The following CPS1 variants were observed in gnomAD, a reference collection of about 807,000 sequenced individuals.
CPS1 encodes carbamoyl-phosphate synthase 1.
In CPS1, 109 loss-of-function variants were observed where a neutral mutation model predicts 174.6. The observed-to-expected ratio is 0.62, with a 90% confidence interval of 0.53 to 0.73. CPS1 has a LOEUF of 0.73. Among genes scored for constraint, CPS1 ranks in the 30% least tolerant of loss-of-function variants. The pLI is 0.00. For missense variants in CPS1, 1,689 were observed against 1,821.9 expected, an observed-to-expected ratio of 0.93 and a Z score of 1.33; for synonymous variants, 637 against 632.0, an observed-to-expected ratio of 1.01 and a Z score of -0.12.
intron 5 of CPS1, among the ~76,000 whole-genome samples, chr2:210,582,406 A>G (rs1200606706): frequency 6.6e-6 from 1 of 152,154 alleles, no homozygotes; most frequent in Non-Finnish European, 1.5e-5. Context: ...CCCTAGAAGA[A>G]CTAATTGTAT....
At chr2:210,560,706 T>C (rs1697070007) in intron 1 of CPS1, among the ~76,000 whole-genome samples, 1 of 152,172 alleles carries the variant, frequency 6.6e-6, no homozygotes, top group Non-Finnish European at 1.5e-5. Flanking sequence ...TGTCATTTGA[T>C]TAGAAATTGG....
intron 6 of CPS1, 119 bp from the exon 7 acceptor site, chr2:210,587,939 T>C: frequency 2.3e-6 from 2 of 877,144 alleles, no homozygotes; most frequent in Non-Finnish European, 3.9e-6. Flanking sequence ...CACTCCCTAG[T>C]AGTTAACAAT....
rs942985287 is a variant in CPS1, at chr2:210,595,724, A to G, written c.1359+142A>G. ...TTAACTGTGCCTTTATAAATCTTGT[A>G]TTAAAGAAGCTTGATCACGAGCAAG... is the stretch of plus-strand genomic sequence containing the variant. On this transcript the variant is annotated intron_variant, in intron 13 of 37. Transcript: ENST00000233072. The G allele has an allele frequency of 1.0e-5, 7 of 676,900 alleles. No homozygotes were observed. The African/African-American group carries it at 1.3e-4, about 12-fold the overall frequency. 41.9% of individuals were successfully genotyped at this position (676,900 alleles called of 1,614,324 possible).
Position 210,600,695 on chromosome 2 carries a change from A to C in CPS1, c.1690A>C (p.Ser564Arg). The change falls in exon 15 of 38, where the codon AGT (serine) becomes CGT (arginine). Residue 564 changes from serine (S) to arginine (R), a missense_variant. Coordinates refer to ENST00000233072, the MANE Select transcript of CPS1 (RefSeq NM_001875.5). Reference protein sequence around the residue: ...LNEINEKIAPSFAVESIEDAL... With the variant: ...LNEINEKIAPRFAVESIEDAL... ...TGAGATCAATGAAAAGATTGCTCCA[A>C]GTTTTGCAGTGGAATCGGTAAGGAT... The C allele has an allele frequency of 6.2e-7, 1 of 1,612,012 alleles. No homozygotes were observed. Among genetic ancestry groups the C allele is most frequent in the Non-Finnish European group, 8.5e-7 (1 of 1,178,640 alleles).
intron 1 of CPS1, chr2:210,519,427 G>A (rs1695762746): frequency 6.6e-6 from 1 of 151,996 alleles, no homozygotes; most frequent in African/African-American, 2.4e-5. Context: ...TGCATCTGAA[G>A]TTTGAAATAC....
intron 20 of CPS1, among the ~76,000 whole-genome samples, chr2:210,613,815 CA>C (rs954945882): frequency 4.7e-4 from 72 of 151,870 alleles, no homozygotes; most frequent in African/African-American, 1.7e-3. Flanking sequence ...TATGTATGAG[CA>C]AGAAGTGCAG....
intron 26 of CPS1, 128 bp downstream of exon 26, chr2:210,648,185 T>G: frequency 3.2e-6 from 3 of 925,656 alleles, no homozygotes; most frequent in Non-Finnish European, 5.0e-6. Flanking sequence ...CTTAGTGAAT[T>G]TAAAGTTGTT....
At chr2:210,603,659 A>T (rs1184672732) in intron 16 of CPS1, among the ~76,000 whole-genome samples, 1 of 151,910 alleles carries the variant, frequency 6.6e-6, no homozygotes, top group Non-Finnish European at 1.5e-5. Context: ...TGAACTTTTC[A>T]TGTAAGAAAG....
At chr2:210,536,605 C>T (rs940176050) in intron 1 of CPS1, among the ~76,000 whole-genome samples, 3 of 152,098 alleles carry the variant, frequency 2.0e-5, no homozygotes, top group African/African-American at 7.2e-5. Flanking sequence ...GGATTACAGG[C>T]GTGAGCCACT....
intron 1 of CPS1, among the ~76,000 whole-genome samples, chr2:210,570,285 C>T (rs76236471): frequency 5.7e-4 from 87 of 152,006 alleles, no homozygotes; most frequent in African/African-American, 2.0e-3. Flanking sequence ...ACATATTGAA[C>T]ACAATCTCAG....
At chr2:210,651,282 C>T (rs1376293828) in intron 28 of CPS1, among the ~76,000 whole-genome samples, 4 of 152,160 alleles carry the variant, frequency 2.6e-5, no homozygotes, top group East Asian at 3.9e-4. Flanking sequence ...GCACACATGA[C>T]GCTGGATCGC....
At chr2:210,633,747 C>T (rs1184858868) in intron 21 of CPS1, among the ~76,000 whole-genome samples, 1 of 152,090 alleles carries the variant, frequency 6.6e-6, no homozygotes, top group Non-Finnish European at 1.5e-5. Context: ...TAATTAAAGA[C>T]CCTCTAAAAA....
chr2:210,571,261 T>A (rs573647947), intron 1 of CPS1, among the ~76,000 whole-genome samples: 1 of 151,976 alleles, frequency 6.6e-6, no homozygotes, highest in Admixed American at 6.6e-5. Context: ...AAACACTGGG[T>A]CGAAGGAAAT....
chr2:210,554,080 T>C (rs1696801894), upstream of CPS1, among the ~76,000 whole-genome samples: 1 of 147,146 alleles, frequency 6.8e-6, no homozygotes, highest in Admixed American at 6.8e-5. Flanking sequence ...CATATATACA[T>C]ACATATGTAT....
chr2:210,631,032 T>C (rs2105887466), intron 21 of CPS1, among the ~76,000 whole-genome samples: 1 of 151,926 alleles, frequency 6.6e-6, no homozygotes, highest in South Asian at 2.1e-4. Flanking sequence ...TTTTTTTTTT[T>C]TTTTAAAGAG....
intron 27 of CPS1, among the ~76,000 whole-genome samples, chr2:210,648,821 G>A (rs1232550273): frequency 5.9e-5 from 9 of 152,046 alleles, no homozygotes; most frequent in Non-Finnish European, 7.4e-5. Flanking sequence ...TTAAAGAACA[G>A]GACAATTTAA....
At chr2:210,481,317 C>A (rs1694563716) in intron 1 of CPS1, among the ~76,000 whole-genome samples, 1 of 152,134 alleles carries the variant, frequency 6.6e-6, no homozygotes, top group African/African-American at 2.4e-5. Context: ...AAATATGTGT[C>A]TATATTGCAT....
intron 19 of CPS1, among the ~76,000 whole-genome samples, chr2:210,610,160 A>C (rs1443800674): frequency 6.6e-6 from 1 of 151,994 alleles, no homozygotes; most frequent in African/African-American, 2.4e-5. Flanking sequence ...GCACCAAATA[A>C]ACAACTGTTA....
rs1011961292 is a variant in CPS1 at position 210,575,772 on chromosome 2, A to T, written c.237-574A>T. Among the ~76,000 whole-genome samples the T allele has an allele frequency of 7.5e-5, 11 of 147,326 alleles. No individual in the cohort carries two copies. The East Asian group carries it at 2.1e-3, about 28-fold the overall frequency. ...AATATTTTAAAAATCAACTTTATTG[A>T]GTTATTCTTTCATATAAATTAACTC... On this transcript the variant is annotated intron_variant, in intron 2 of 37. Transcript: ENST00000233072.
Sources: allele counts gnomAD v4.1 joint callset (sites outside exome capture counted in the v4.1 genomes callset), GRCh38; gene constraint gnomAD v4.1.1; transcripts MANE v1.5; gene names NCBI Gene and HGNC (gene_info 2026-07-23, HGNC 2026-07-21).